GIMAP8: variants seen among roughly 807,000 people sequenced by gnomAD.
GIMAP8 encodes GTPase, IMAP family member 8.
A neutral mutation model predicts 35.6 loss-of-function variants in GIMAP8; 29 were observed. That is an observed-to-expected ratio of 0.81 (90% CI 0.61 to 1.11). The LOEUF (loss-of-function observed/expected upper bound fraction) is 1.11. Among genes scored for constraint, GIMAP8 ranks in the 50% most tolerant of loss-of-function variants. The probability of loss-of-function intolerance (pLI) is 0.00; values close to 1 mark genes in which losing one functional copy is unlikely to be tolerated. For synonymous variants in GIMAP8, 335 were observed against 308.7 expected, an observed-to-expected ratio of 1.09 and a Z score of -0.89; for missense variants, 811 against 805.0, an observed-to-expected ratio of 1.01 and a Z score of -0.09.
In GIMAP8 at chr7:150,474,060, G is replaced by A; in HGVS notation, c.731G>A (p.Gly244Glu). 9 of 1,614,084 alleles carry A rather than the reference G, an allele frequency of 5.6e-6. No individual in the cohort carries two copies. Among genetic ancestry groups the A allele is most frequent in the Non-Finnish European group, 6.8e-6 (8 of 1,180,010 alleles). ...LQSTGPEQNP[G>E]TSELTVLLVG... ...TCCACAGGACCCGAGCAGAATCCGG[G>A]GACATCAGAACTGACAGTCCTCCTT... The change falls in exon 4 of 5, where the codon GGG becomes GAG. Residue 244 changes from glycine (G) to glutamate (E), a missense_variant. Physicochemically the swap from Gly to Glu is moderately conservative, Grantham distance 98 (BLOSUM62 -2). Coordinates refer to ENST00000307271, the MANE Select transcript of GIMAP8 (RefSeq NM_175571.4).
chr7:150,468,668 A>T (rs1261240343), intron 2 of GIMAP8, among the ~76,000 whole-genome samples: 5 of 152,242 alleles, frequency 3.3e-5, no homozygotes, highest in Non-Finnish European at 4.4e-5. Flanking sequence ...ATGTATTTGT[A>T]TGAACATAGA....
At chr7:150,462,315 G>T (rs953314942) in intron 1 of GIMAP8, among the ~76,000 whole-genome samples, 3 of 152,174 alleles carry the variant, frequency 2.0e-5, no homozygotes, top group Non-Finnish European at 4.4e-5. Flanking sequence ...GAGCTCAGAG[G>T]CCTGACACAT....
Position 150,477,606 on chromosome 7 carries a change from G to C in GIMAP8, c.1824G>C (p.Gln608His), listed in dbSNP as rs753111008. 9.3e-6 allele frequency: 15 copies of C among 1,614,058 alleles called. No individual in the cohort carries two copies. The African/African-American group carries it at 1.9e-4, about 20-fold the overall frequency. ...CTTTTAACAACAAAGAAACAGGCCAGGCCCAGGAAACCCAGGTGAAAGCTC... is the reference window on the plus strand; with the variant it reads ...CTTTTAACAACAAAGAAACAGGCCACGCCCAGGAAACCCAGGTGAAAGCTC... ...VCAFNNKETG[Q>H]AQETQVKALL... Residue 608 changes from glutamine to histidine, a missense_variant, in exon 5 of 5, where the codon CAG (glutamine) becomes CAC (histidine). Physicochemically the swap from Gln to His is conservative, Grantham distance 24 (BLOSUM62 0). Coordinates refer to ENST00000307271, the MANE Select transcript of GIMAP8 (RefSeq NM_175571.4).
chr7:150,477,457 T>C lies in GIMAP8; in HGVS notation c.1675T>C (p.Tyr559His), dbSNP rs1178627475. 6.2e-7 allele frequency: 1 copy of C among 1,613,712 alleles called. No individual in the cohort carries two copies. The highest frequency in any genetic ancestry group is 8.5e-7 in the Non-Finnish European group (1 of 1,179,634). The stretch of plus-strand genomic sequence containing the variant: ...CATCTTTGGAGCAGACTTTACGAAA[T>C]ACGCGATTATGCTGTTCACCCGGAA... ...EAIFGADFTK[Y>H]AIMLFTRKED... The change falls in exon 5 of 5, where the codon TAC (tyrosine) becomes CAC (histidine). Residue 559 changes from tyrosine (Y) to histidine (H), a missense_variant. By Grantham distance (83) the Tyr-to-His change is moderately conservative. Transcript: ENST00000307271.
At chr7:150,467,715 ATC>A (rs1802000261) in intron 2 of GIMAP8, among the ~76,000 whole-genome samples, 1 of 151,980 alleles carries the variant, frequency 6.6e-6, no homozygotes. Context: ...TCCTTCTCTA[ATC>A]TCTGACGTCT....
intron 3 of GIMAP8, among the ~76,000 whole-genome samples, chr7:150,473,784 C>T (rs1013669426): frequency 6.6e-6 from 1 of 151,854 alleles, no homozygotes; most frequent in African/African-American, 2.4e-5. Context: ...TTGGCATGTT[C>T]GTGTTCCTGG....
rs561363447 is a variant in GIMAP8 at position 150,466,267 on chromosome 7, A to G, written c.-28-404A>G. ...TGACATTTGATGAATACAGATTTCT[A>G]GGATCTTTCCTTTGAGATTCTGATT... On this transcript the variant is annotated intron_variant, in intron 1 of 4. Coordinates refer to ENST00000307271, the MANE Select transcript of GIMAP8 (RefSeq NM_175571.4). Among the ~76,000 whole-genome samples the G allele has an allele frequency of 4.6e-5, 7 of 152,338 alleles. No homozygotes were observed. In the South Asian group the frequency reaches 1.4e-3, roughly 32 times the overall value.
chr7:150,467,141 T>C lies in GIMAP8; in HGVS notation c.443T>C (p.Ile148Thr), dbSNP rs780849961. The change falls in exon 2 of 5, where the codon ATT becomes ACT. Residue 148 changes from isoleucine to threonine, a missense_variant. Coordinates refer to ENST00000307271, the MANE Select transcript of GIMAP8 (RefSeq NM_175571.4). ...GGGGATGACTTGCTGCAAGATTTCA[T>C]TGAAAAAAACAAACCTCTCAAGCAG... ...DLGDDLLQDFIEKNKPLKQLV... is the reference protein window; with the variant it reads ...DLGDDLLQDFTEKNKPLKQLV... 19 of 1,614,062 alleles carry C rather than the reference T, an allele frequency of 1.2e-5. No homozygotes were observed. In the Admixed American group the frequency reaches 1.3e-4, roughly 11 times the overall value.
intron 1 of GIMAP8, among the ~76,000 whole-genome samples, chr7:150,457,573 A>C (rs1293912653): frequency 6.6e-6 from 1 of 152,228 alleles, no homozygotes; most frequent in Non-Finnish European, 1.5e-5. Flanking sequence ...GATGTGTAGA[A>C]TCAACAAAGG....
Position 150,472,367 on chromosome 7 carries a change from G to A in GIMAP8, c.682+1493G>A, listed in dbSNP as rs1802112040. On this transcript the variant is annotated intron_variant, in intron 3 of 4. Coordinates refer to ENST00000307271, the MANE Select transcript of GIMAP8 (RefSeq NM_175571.4). This position sits in a 1 kb window ranked among gnomAD's most constrained non-coding sequence, Gnocchi z 4.1. ...GGAACGAGGCTAAAGCCATCAGGAG[G>A]CAGCTGTCATCTATTTAGCCAGTGC... Among the ~76,000 whole-genome samples, 1 of 152,200 alleles carries A rather than the reference G, an allele frequency of 6.6e-6. No individual in the cohort carries two copies. The highest frequency in any genetic ancestry group is 2.4e-5 in the African/African-American group (1 of 41,446).
At chr7:150,463,876 A>G (rs1298718301) in intron 1 of GIMAP8, among the ~76,000 whole-genome samples, 1 of 152,130 alleles carries the variant, frequency 6.6e-6, no homozygotes, top group East Asian at 1.9e-4. Context: ...CCACAGCAAC[A>G]GGTTTGGTGG....
intron 3 of GIMAP8, 146 bp from the exon 4 acceptor site, chr7:150,473,866 G>T (rs1688922782): frequency 1.3e-6 from 1 of 778,676 alleles, no homozygotes; most frequent in Non-Finnish European, 2.1e-6. Context: ...TTGATGGAGA[G>T]CTTCTGGCTG....
rs375454852 is a variant in GIMAP8, at chr7:150,455,538, G to A, written c.-29+4363G>A. Among the ~76,000 whole-genome samples the A allele has an allele frequency of 1.2e-3, 183 of 152,356 alleles. 3 individuals carry two copies. In the South Asian group the frequency reaches 0.03, roughly 25 times the overall value. On this transcript the variant is annotated intron_variant, in intron 1 of 4. Transcript: ENST00000307271. The stretch of plus-strand genomic sequence containing the variant: ...AACTGTGGACCTACGGGCACTTGGC[G>A]TCTGATAGAATCATTGGAGGAATCA...
At chr7:150,452,639 A>G (rs868581610) in intron 1 of GIMAP8, among the ~76,000 whole-genome samples, 19 of 142,340 alleles carry the variant, frequency 1.3e-4, no homozygotes, top group African/African-American at 4.7e-4. Context: ...ATATATGTAT[A>G]TATATGTGTG....
intron 4 of GIMAP8, among the ~76,000 whole-genome samples, chr7:150,476,206 A>G (rs1230221963): frequency 6.6e-6 from 1 of 152,226 alleles, no homozygotes; most frequent in Admixed American, 6.5e-5. Context: ...AGAGCATGGG[A>G]TGTGCTTTCT....
rs1563287607 is a variant in GIMAP8 at position 150,474,580 on chromosome 7, A to G, written c.1251A>G (p.Glu417=). Reference sequence around the variant, plus strand: ...AAAGGCAGGCGGACGAGCTCCTGGAAAAAATTGAGAGCATGGTGCATCAGA... The same window carrying G: ...AAAGGCAGGCGGACGAGCTCCTGGAGAAAATTGAGAGCATGGTGCATCAGA... ...EEQRQADELL[E]KIESMVHQNG... The change falls in exon 4 of 5, where the codon GAA becomes GAG. Residue 417 remains glutamate, a synonymous_variant. Coordinates refer to ENST00000307271, the MANE Select transcript of GIMAP8 (RefSeq NM_175571.4). 9 of 1,613,136 alleles carry G rather than the reference A, an allele frequency of 5.6e-6. No individual in the cohort carries two copies. The highest frequency in any genetic ancestry group is 4.0e-5 in the African/African-American group (3 of 74,868).
At chr7:150,471,714 G>C (rs116032253) in intron 3 of GIMAP8, among the ~76,000 whole-genome samples, 2,886 of 152,064 alleles carry the variant, frequency 0.019, 86 homozygotes, top group African/African-American at 0.066. Flanking sequence ...GTGCGTGCCT[G>C]TCGTCTCAGC....
chr7:150,474,155 G>T lies in GIMAP8; in HGVS notation c.826G>T (p.Gly276Ter). The change falls in exon 4 of 5, where the codon GGA (glycine) becomes TGA (stop). Residue 276 changes from glycine (G) to a stop codon, truncating the protein, a stop_gained. Coordinates refer to ENST00000307271, the MANE Select transcript of GIMAP8 (RefSeq NM_175571.4). LOFTEE classifies it high-confidence loss of function. ...SILGRQAFQTGFSEQSVTQSF... is the reference protein window; with the variant it reads ...SILGRQAFQT ...TCTGGGGAGGCAGGCCTTTCAGACC[G>T]GATTTAGTGAGCAGTCAGTAACCCA... is the stretch of plus-strand genomic sequence containing the variant. The T allele has an allele frequency of 6.2e-7, 1 of 1,614,148 alleles. No individual in the cohort carries two copies. The highest frequency in any genetic ancestry group is 8.5e-7 in the Non-Finnish European group (1 of 1,180,026).
At chr7:150,452,884 G>C (rs79221374) in intron 1 of GIMAP8, among the ~76,000 whole-genome samples, 1 of 150,574 alleles carries the variant, frequency 6.6e-6, no homozygotes, top group Non-Finnish European at 1.5e-5. Flanking sequence ...CACTGCGCCC[G>C]GCCTCCCTCT....
Sources: gnomAD v4.1 joint callset for allele counts (sites outside exome capture counted in the v4.1 genomes callset) on GRCh38, gnomAD v4.1.1 for gene constraint, Gnocchi (gnomAD v3.1) non-coding constraint, MANE v1.5 for transcripts, NCBI Gene and HGNC (gene_info 2026-07-23, HGNC 2026-07-21) for gene names.